The following CAB39 variants were observed in gnomAD, a reference collection of about 807,000 sequenced individuals.
The protein encoded by CAB39 is calcium binding protein 39.
In CAB39, 8 loss-of-function variants were observed where a neutral mutation model predicts 40.0. That is an observed-to-expected ratio of 0.20 (90% confidence interval 0.12 to 0.36). CAB39 has a LOEUF of 0.36. CAB39 is among the 10% of genes least tolerant of loss of function. CAB39 has a pLI of 1.00. For missense variants in CAB39, 270 were observed against 401.1 expected, an observed-to-expected ratio of 0.67 and a Z score of 2.79; for synonymous variants, 156 against 141.6, an observed-to-expected ratio of 1.10 and a Z score of -0.72.
chr2:230,770,311 TACA>T (rs1211259736), intron 2 of CAB39, among the ~76,000 whole-genome samples: 1 of 152,176 alleles, frequency 6.6e-6, no homozygotes, highest in Non-Finnish European at 1.5e-5. Flanking sequence ...CCACAGATTG[TACA>T]AGTTAATAGG....
intron 1 of CAB39, among the ~76,000 whole-genome samples, chr2:230,744,462 T>G (rs1027650578): frequency 2.6e-5 from 4 of 152,020 alleles, no homozygotes; most frequent in African/African-American, 7.3e-5. Flanking sequence ...CCCAGCTAAT[T>G]TTTGTATTTT....
chr2:230,771,728 C>T (rs1333050321), intron 2 of CAB39, among the ~76,000 whole-genome samples: 1 of 152,176 alleles, frequency 6.6e-6, no homozygotes, highest in Non-Finnish European at 1.5e-5. Context: ...GTTGTTAAAA[C>T]AGTGTGGTGT....
chr2:230,775,290 T>C (rs1695566732), intron 2 of CAB39, among the ~76,000 whole-genome samples: 1 of 151,500 alleles, frequency 6.6e-6, no homozygotes, highest in African/African-American at 2.4e-5. Flanking sequence ...GGCTGGAGTG[T>C]AGTGGTGTGA....
intron 2 of CAB39, among the ~76,000 whole-genome samples, chr2:230,767,262 C>G (rs1695402944): frequency 6.6e-6 from 1 of 152,266 alleles, no homozygotes; most frequent in African/African-American, 2.4e-5. Flanking sequence ...GTTTTTCAGG[C>G]CAAAAGTCTT....
chr2:230,747,760 A>G (rs987849609), intron 1 of CAB39, among the ~76,000 whole-genome samples: 1 of 152,228 alleles, frequency 6.6e-6, no homozygotes, highest in African/African-American at 2.4e-5. Context: ...ATATAAGTGT[A>G]TACACATAGG....
intron 6 of CAB39, 36 bp from the exon 7 acceptor site, chr2:230,814,012 TG>T (rs771151247): frequency 3.5e-5 from 15 of 432,422 alleles, no homozygotes; most frequent in East Asian, 4.3e-5. Flanking sequence ...TTTTTTTTTT[TG>T]GCAATAACCC....
At chr2:230,778,279 C>T (rs1240598419) in intron 2 of CAB39, among the ~76,000 whole-genome samples, 2 of 152,188 alleles carry the variant, frequency 1.3e-5, no homozygotes, top group Non-Finnish European at 2.9e-5. Context: ...TTCTTGTCAC[C>T]TTGTTTCCTA....
At chr2:230,818,400 G>T in intron 8 of CAB39, 116 bp from the exon 9 acceptor site, 1 of 741,044 alleles carries the variant, frequency 1.3e-6, no homozygotes, top group Non-Finnish European at 2.2e-6. Flanking sequence ...TAATGACCCT[G>T]ACTTCAGCGC....
chr2:230,765,576 A>G (rs950435916), intron 2 of CAB39, among the ~76,000 whole-genome samples: 2 of 151,986 alleles, frequency 1.3e-5, no homozygotes, highest in Admixed American at 6.6e-5. Context: ...AGAAGGTGAC[A>G]TTGAAAATGA....
At position 230,748,573 on chromosome 2, in the gene CAB39, A is replaced by G. The variant is rs1018112536; in HGVS notation, c.-43-11386A>G. Among the ~76,000 whole-genome samples the G allele has an allele frequency of 3.9e-5, 6 of 151,918 alleles. No homozygotes were observed. The South Asian group carries it at 1.2e-3, about 32-fold the overall frequency. ...GTAATCCCAGCACTTTGGGAGACCAAGGCGGGTCAATCACTTGAGGCCAGG... is the reference window on the plus strand; with the variant it reads ...GTAATCCCAGCACTTTGGGAGACCAGGGCGGGTCAATCACTTGAGGCCAGG... On this transcript the variant is annotated intron_variant, in intron 1 of 8. Transcript: ENST00000258418.
intron 1 of CAB39, among the ~76,000 whole-genome samples, chr2:230,736,959 G>C (rs1400640993): frequency 2.0e-5 from 3 of 152,038 alleles, no homozygotes; most frequent in Non-Finnish European, 4.4e-5. Context: ...TAGAGTGTCT[G>C]GTAGCTGCTC....
intron 1 of CAB39, among the ~76,000 whole-genome samples, chr2:230,740,590 G>A (rs906306217): frequency 2.0e-5 from 3 of 152,106 alleles, no homozygotes; most frequent in African/African-American, 4.8e-5. Flanking sequence ...ATGGTTTCAG[G>A]ATGAAACTGT....
At chr2:230,721,655 T>G (rs951198395) in intron 1 of CAB39, among the ~76,000 whole-genome samples, 15 of 152,304 alleles carry the variant, frequency 9.8e-5, no homozygotes, top group Admixed American at 1.3e-4. Flanking sequence ...TTAGAGAGAT[T>G]AGTTGTTTGT....
intron 2 of CAB39, among the ~76,000 whole-genome samples, chr2:230,770,651 A>ACAGACTAATATGTCTCACGAACATAGATG (rs1695465236): frequency 1.3e-5 from 2 of 152,230 alleles, no homozygotes; most frequent in Admixed American, 1.3e-4. Context: ...AATAAAACCT[A>ACAGACTAATATGTCTCACGAACATAGATG]CAGACTAATA....
intron 1 of CAB39, among the ~76,000 whole-genome samples, chr2:230,733,274 A>C (rs1270535013): frequency 1.3e-5 from 2 of 152,088 alleles, no homozygotes; most frequent in African/African-American, 4.8e-5. Context: ...CTGACCATTC[A>C]GCAGTTGCAA....
intron 1 of CAB39, among the ~76,000 whole-genome samples, chr2:230,735,451 G>A (rs147602002): frequency 1.7e-3 from 255 of 152,070 alleles, no homozygotes; most frequent in African/African-American, 5.7e-3. Flanking sequence ...ATAGGCATGA[G>A]CCACTGCTCC....
intron 1 of CAB39, among the ~76,000 whole-genome samples, chr2:230,714,225 CT>C (rs1218851485): frequency 6.6e-6 from 1 of 152,102 alleles, no homozygotes; most frequent in Non-Finnish European, 1.5e-5. Context: ...CTAAGAGAAA[CT>C]TAGAGCTCAT....
intron 1 of CAB39, among the ~76,000 whole-genome samples, chr2:230,727,171 T>C (rs1694594738): frequency 6.6e-6 from 1 of 151,712 alleles, no homozygotes; most frequent in Non-Finnish European, 1.5e-5. Flanking sequence ...TTCAGAATTG[T>C]CTTAAGAAGT....
chr2:230,796,554 T>G (rs547061044), intron 4 of CAB39, among the ~76,000 whole-genome samples: 1 of 152,262 alleles, frequency 6.6e-6, no homozygotes, highest in South Asian at 2.1e-4. Flanking sequence ...CAAAGATGAA[T>G]TGTATGATCA....
Sources: gnomAD v4.1 joint callset for allele counts (sites outside exome capture counted in the v4.1 genomes callset) on GRCh38, gnomAD v4.1.1 for gene constraint, MANE v1.5 for transcripts, NCBI Gene and HGNC (gene_info 2026-07-23, HGNC 2026-07-21) for gene names.